The following PHC3 variants were observed in gnomAD, a reference collection of about 807,000 sequenced individuals.
PHC3 encodes polyhomeotic homolog 3.
A neutral mutation model predicts 107.4 loss-of-function variants in PHC3; 13 were observed. The observed-to-expected ratio is 0.12, with a 90% CI of 0.08 to 0.19. PHC3 has a LOEUF of 0.19. Ranked by LOEUF, PHC3 falls within the 10% of genes least tolerant of loss-of-function variation. The pLI is 1.00. For synonymous variants in PHC3, 456 were observed against 427.4 expected, an observed-to-expected ratio of 1.07 and a Z score of -0.83; for missense variants, 992 against 1,210.9, an observed-to-expected ratio of 0.82 and a Z score of 2.68.
chr3:170,137,858 AC>A (rs1028328070), intron 6 of PHC3, among the ~76,000 whole-genome samples: 18 of 152,254 alleles, frequency 1.2e-4, no homozygotes, highest in Admixed American at 3.3e-4. Context: ...AGATGGCACC[AC>A]TGCACTCCAG....
chr3:170,163,883 A>AAGGCAGGCAGGCAGGCAGGCAGGC (rs1560119151), intron 4 of PHC3, among the ~76,000 whole-genome samples: 97 of 141,396 alleles, frequency 6.9e-4, no homozygotes, highest in African/African-American at 2.4e-3. Context: ...AAAAAAAAAA[A>AAGGCAGGCAGGCAGGCAGGCAGGC]AGGCAGGCAG....
At chr3:170,113,266 A>T in intron 11 of PHC3, 94 bp downstream of exon 11, 1 of 1,196,878 alleles carries the variant, frequency 8.4e-7, no homozygotes. Flanking sequence ...GAATACTTCC[A>T]GTGAAATTCT....
chr3:170,112,971 G>A (rs760030659), intron 11 of PHC3, among the ~76,000 whole-genome samples: 5 of 152,200 alleles, frequency 3.3e-5, no homozygotes, highest in South Asian at 4.1e-4. Context: ...AGTCTGAAAC[G>A]AAACAACCCA....
chr3:170,140,221 G>GA (rs1190313233), intron 6 of PHC3, among the ~76,000 whole-genome samples: 8 of 147,990 alleles, frequency 5.4e-5, no homozygotes, highest in East Asian at 2.1e-4. Context: ...TAGAATTGAG[G>GA]AAAAAAACAG....
At chr3:170,157,923 AAGAC>A (rs1420147981) in intron 4 of PHC3, among the ~76,000 whole-genome samples, 1 of 151,790 alleles carries the variant, frequency 6.6e-6, no homozygotes, top group Admixed American at 6.6e-5. Flanking sequence ...TATTAGCAAA[AAGAC>A]AGAAAAATTA....
intron 12 of PHC3, among the ~76,000 whole-genome samples, chr3:170,103,806 C>G (rs958743095): frequency 6.6e-6 from 1 of 152,204 alleles, no homozygotes; most frequent in Non-Finnish European, 1.5e-5. Flanking sequence ...AATCCCAGCA[C>G]TTTGGGAGGC....
At chr3:170,113,253 G>C (rs774677445) in intron 11 of PHC3, 107 bp downstream of exon 11, 16 of 1,079,284 alleles carry the variant, frequency 1.5e-5, no homozygotes, top group Non-Finnish European at 2.0e-5. Context: ...GAAAATAAAA[G>C]TTGAATACTT....
At chr3:170,128,273 A>G (rs1721676717) in intron 8 of PHC3, 1 of 981,330 alleles carries the variant, frequency 1.0e-6, no homozygotes, top group Non-Finnish European at 1.3e-6. Context: ...TAAAAGGGTT[A>G]GGCTAGATAA....
chr3:170,126,529 T>TA (rs1491097010), intron 8 of PHC3, among the ~76,000 whole-genome samples: 2,665 of 39,558 alleles, frequency 0.067, 23 homozygotes, highest in East Asian at 0.29. Flanking sequence ...TATATATATA[T>TA]TTTTTTTTTT....
chr3:170,164,102 T>A (rs1294491707), intron 4 of PHC3, among the ~76,000 whole-genome samples: 1 of 151,832 alleles, frequency 6.6e-6, no homozygotes, highest in African/African-American at 2.4e-5. Context: ...CTCAGTAGGC[T>A]GAGGCAGGAG....
At chr3:170,163,433 T>A (rs1299013956) in intron 4 of PHC3, among the ~76,000 whole-genome samples, 1 of 151,238 alleles carries the variant, frequency 6.6e-6, no homozygotes, top group Non-Finnish European at 1.5e-5. Flanking sequence ...ATCCTTTCCA[T>A]CTGAAAATTC....
At position 170,136,543 on chromosome 3, in the gene PHC3, G is replaced by C. The variant is rs1409273670; in HGVS notation, c.795C>G (p.Thr265=). The C allele has an allele frequency of 6.2e-7, 1 of 1,612,490 alleles. No individual in the cohort carries two copies. Among genetic ancestry groups the C allele is most frequent in the African/African-American group, 1.3e-5 (1 of 74,824 alleles). ...GATCTCGTTGGCTGATTTTAGAACTGGTCACTGTTGTTTTGTTATGACAAA... is the reference window on the plus strand; with the variant it reads ...GATCTCGTTGGCTGATTTTAGAACTCGTCACTGTTGTTTTGTTATGACAAA... ...LTICHNKTTV[T]SSKISQRDPS... is the part of the protein sequence containing the mutation. The change falls in exon 7 of 15, where the codon ACC becomes ACG. Residue 265 remains threonine (T), a synonymous_variant. Coordinates refer to ENST00000495893, the MANE Select transcript of PHC3 (RefSeq NM_024947.4).
At chr3:170,117,527 A>C in intron 9 of PHC3, 51 bp from the exon 10 acceptor site, 1 of 1,534,778 alleles carries the variant, frequency 6.5e-7, no homozygotes, top group Non-Finnish European at 8.8e-7. Flanking sequence ...CATTTTGCCC[A>C]AGCAAATGAA....
chr3:170,115,931 G>C (rs999121330), intron 10 of PHC3, among the ~76,000 whole-genome samples: 8 of 150,412 alleles, frequency 5.3e-5, no homozygotes, highest in Middle Eastern at 3.2e-3. Context: ...ACAACTGATT[G>C]GGTAGCTATC....
At chr3:170,130,997 A>G (rs1217315984) in intron 7 of PHC3, among the ~76,000 whole-genome samples, 3 of 152,164 alleles carry the variant, frequency 2.0e-5, no homozygotes, top group African/African-American at 7.2e-5. Context: ...ATTTGTGACA[A>G]CTTTATAAAA....
intron 4 of PHC3, among the ~76,000 whole-genome samples, chr3:170,162,267 T>C (rs988999215): frequency 1.7e-4 from 26 of 152,328 alleles, no homozygotes; most frequent in African/African-American, 6.0e-4. Flanking sequence ...TCATTAATCA[T>C]GAAACCTCCC....
chr3:170,154,434 T>C (rs1726552773), intron 4 of PHC3, among the ~76,000 whole-genome samples: 1 of 152,142 alleles, frequency 6.6e-6, no homozygotes, highest in African/African-American at 2.4e-5. Context: ...GAACTTTTTT[T>C]TCAGTTGGTG....
intron 11 of PHC3, among the ~76,000 whole-genome samples, chr3:170,110,346 A>G (rs1259826865): frequency 6.6e-6 from 1 of 151,862 alleles, no homozygotes; most frequent in Non-Finnish European, 1.5e-5. Context: ...ACTTCCCACT[A>G]CCCCTCTAAT....
Position 170,173,663 on chromosome 3 carries a change from T to G in PHC3, c.181-951A>C, listed in dbSNP as rs537477334. Reference sequence around the variant, plus strand: ...CACAAGTAACTACTGGCCACTATAGTGTACATTGCTGATACCGATCTATAT... The same window carrying G: ...CACAAGTAACTACTGGCCACTATAGGGTACATTGCTGATACCGATCTATAT... On this transcript the variant is annotated intron_variant, in intron 2 of 14. Coordinates refer to ENST00000495893, the MANE Select transcript of PHC3 (RefSeq NM_024947.4). Among the ~76,000 whole-genome samples the G allele has an allele frequency of 5.9e-5, 9 of 152,340 alleles. 2 individuals carry two copies. The South Asian group carries it at 1.9e-3, about 32-fold the overall frequency.
Sources: gnomAD v4.1 joint callset for allele counts (sites outside exome capture counted in the v4.1 genomes callset) on GRCh38, gnomAD v4.1.1 for gene constraint, MANE v1.5 for transcripts, NCBI Gene and HGNC (gene_info 2026-07-23, HGNC 2026-07-21) for gene names.